ZNF638: variants seen among roughly 807,000 people sequenced by gnomAD.
ZNF638 encodes CTCL tumor antigen se33-1.
In ZNF638, 46 loss-of-function variants were observed where a neutral mutation model predicts 195.6. That is an observed-to-expected ratio of 0.24 (90% CI 0.19 to 0.30). The LOEUF is 0.30. Ranked by LOEUF, ZNF638 falls within the 10% of genes least tolerant of loss-of-function variation. The pLI, the probability that ZNF638 is intolerant of heterozygous loss-of-function variation, is 1.00. For synonymous variants in ZNF638, 845 were observed against 772.0 expected (o/e 1.09, Z -1.57); for missense variants, 2,440 against 2,325.3 (o/e 1.05, Z -1.01).
intron 20 of ZNF638, chr2:71,408,490 C>A: frequency 2.4e-6 from 1 of 412,756 alleles, no homozygotes; most frequent in South Asian, 3.1e-5. Flanking sequence ...ATGTAGGTAT[C>A]TACATTTTTG....
intron 23 of ZNF638, 70 bp from the exon 24 acceptor site, chr2:71,426,390 T>C: frequency 8.9e-7 from 1 of 1,119,190 alleles, no homozygotes; most frequent in Non-Finnish European, 1.3e-6. Flanking sequence ...GCACATTTAT[T>C]GTGACTATTT....
intron 10 of ZNF638, 129 bp from the exon 11 acceptor site, chr2:71,396,012 A>G: frequency 6.6e-6 from 5 of 755,350 alleles, no homozygotes; most frequent in Non-Finnish European, 1.1e-5. Context: ...AATTCCATGG[A>G]CATACAAAGA....
intron 6 of ZNF638, among the ~76,000 whole-genome samples, chr2:71,366,152 C>T (rs761308302): frequency 5.1e-4 from 77 of 152,136 alleles, no homozygotes; most frequent in Non-Finnish European, 7.3e-4. Context: ...GAATTTGAGG[C>T]CAGCCAGAGC....
intron 4 of ZNF638, among the ~76,000 whole-genome samples, chr2:71,363,423 A>G (rs2079141729): frequency 7.5e-6 from 1 of 134,030 alleles, no homozygotes; most frequent in African/African-American, 2.5e-5. Context: ...TTATTATTTT[A>G]TGTTTATGAC....
chr2:71,356,055 T>A (rs1558838233), intron 3 of ZNF638, among the ~76,000 whole-genome samples: 2 of 152,236 alleles, frequency 1.3e-5, no homozygotes, highest in Admixed American at 6.5e-5. Flanking sequence ...TTCCCCAGGA[T>A]CTTTTATCTA....
chr2:71,398,682 T>G lies in ZNF638; in HGVS notation c.2429-19T>G. On this transcript the variant is annotated intron_variant, in intron 11 of 27. Transcript: ENST00000264447. ...ACTAGTTAAGTAAACCAGTTTTGACTGCATCTTTTGTGATTTAGGGAAATC... is the reference window on the plus strand; with the variant it reads ...ACTAGTTAAGTAAACCAGTTTTGACGGCATCTTTTGTGATTTAGGGAAATC... 6.2e-7 allele frequency: 1 copy of G among 1,610,260 alleles called. No homozygotes were observed. Among genetic ancestry groups the G allele is most frequent in the Non-Finnish European group, 8.5e-7 (1 of 1,176,918 alleles).
rs1337794988 is a variant in ZNF638, at chr2:71,421,409, G to C, written c.3300-1405G>C. 2.6e-5 allele frequency among the ~76,000 whole-genome samples: 4 copies of C among 152,072 alleles called. No individual in the cohort carries two copies. The East Asian group carries it at 7.7e-4, about 29-fold the overall frequency. ...CATGCAAAGAATAACTTGCACAATG[G>C]ATAGAATATATATTGATTAAGGTTT... On this transcript the variant is annotated intron_variant, in intron 21 of 27. Coordinates refer to ENST00000264447, the MANE Select transcript of ZNF638 (RefSeq NM_014497.5).
intron 17 of ZNF638, among the ~76,000 whole-genome samples, chr2:71,405,130 C>T (rs2152577936): frequency 1.3e-5 from 2 of 152,306 alleles, no homozygotes; most frequent in Admixed American, 1.3e-4. Flanking sequence ...CATTAGTTGT[C>T]CTCTGCCTGC....
chr2:71,339,820 C>T (rs539573055), intron 1 of ZNF638, among the ~76,000 whole-genome samples: 1 of 152,266 alleles, frequency 6.6e-6, no homozygotes, highest in East Asian at 1.9e-4. Context: ...TAAGGTGTTT[C>T]CTCTTGGGCT....
Position 71,427,437 on chromosome 2 carries a change from C to A in ZNF638, c.5545+23C>A, listed in dbSNP as rs372475622. 83 of 1,490,672 alleles carry A rather than the reference C, an allele frequency of 5.6e-5. No individual in the cohort carries two copies. The Middle Eastern group carries it at 2.2e-3, about 39-fold the overall frequency. 92.3% of individuals were successfully genotyped at this position (1,490,672 alleles called of 1,614,324 possible). On this transcript the variant is annotated intron_variant, in intron 24 of 27. Transcript: ENST00000264447. ...CAGGTAGATACTTGGAAGGGGTAGT[C>A]TTTCTGTTTTATGAGGGGATTACAT... is the stretch of plus-strand genomic sequence containing the variant.
chr2:71,419,496 A>G (rs1199902829), intron 21 of ZNF638, among the ~76,000 whole-genome samples: 3 of 152,182 alleles, frequency 2.0e-5, no homozygotes, highest in Non-Finnish European at 4.4e-5. Flanking sequence ...CTTCTCAGTA[A>G]TTTTTATAAA....
At position 71,348,915 on chromosome 2, in the gene ZNF638, A is replaced by T. The variant is rs2078897714; in HGVS notation, c.-40A>T. ...CCGTTGCCTCACATGGTTCAACACCACCTTATACTTTATTAAATCAGGCTT... is the reference window on the plus strand; with the variant it reads ...CCGTTGCCTCACATGGTTCAACACCTCCTTATACTTTATTAAATCAGGCTT... On this transcript the variant is annotated 5_prime_UTR_variant, in exon 2 of 28. Coordinates refer to ENST00000264447, the MANE Select transcript of ZNF638 (RefSeq NM_014497.5). 1 of 1,613,986 alleles carries T rather than the reference A, an allele frequency of 6.2e-7. No homozygotes were observed. The highest frequency in any genetic ancestry group is 1.3e-5 in the African/African-American group (1 of 74,898).
At chr2:71,400,572 G>T (rs1459986793) in intron 15 of ZNF638, 54 bp downstream of exon 15, 21 of 1,469,462 alleles carry the variant, frequency 1.4e-5, no homozygotes, top group Admixed American at 2.3e-5. Flanking sequence ...TTTAACAAAA[G>T]ATATTTTTCT....
chr2:71,403,757 C>CTAAGT, intron 16 of ZNF638, 113 bp from the exon 17 acceptor site: 2 of 668,766 alleles, frequency 3.0e-6, no homozygotes, highest in African/African-American at 1.9e-5. Flanking sequence ...AAAATATTTA[C>CTAAGT]TAAGTTGTTC....
chr2:71,385,054 T>TG, intron 10 of ZNF638, among the ~76,000 whole-genome samples: 1 of 152,022 alleles, frequency 6.6e-6, no homozygotes, highest in African/African-American at 2.4e-5. Context: ...TGAGAAAAGG[T>TG]GGGGGAACAG....
chr2:71,392,828 C>T (rs1332784181), intron 10 of ZNF638, among the ~76,000 whole-genome samples: 2 of 152,146 alleles, frequency 1.3e-5, no homozygotes, highest in East Asian at 1.9e-4. Context: ...AGGACTAGAA[C>T]CTTATCCATT....
At chr2:71,371,194 A>G (rs1232142195) in intron 8 of ZNF638, among the ~76,000 whole-genome samples, 1 of 152,182 alleles carries the variant, frequency 6.6e-6, no homozygotes, top group East Asian at 1.9e-4. Context: ...TTTATGGCTG[A>G]AGAGTACTCC....
chr2:71,342,112 G>T (rs993719382), intron 1 of ZNF638, among the ~76,000 whole-genome samples: 1 of 150,470 alleles, frequency 6.6e-6, no homozygotes, highest in Non-Finnish European at 1.5e-5. Context: ...TGGGAAGGAA[G>T]GTTGAGGCTG....
At chr2:71,424,740 A>T (rs1473842419) in intron 23 of ZNF638, 25 bp downstream of exon 23, 1 of 1,580,386 alleles carries the variant, frequency 6.3e-7, no homozygotes, top group Non-Finnish European at 8.7e-7. Flanking sequence ...ACAGACCCTA[A>T]CCCTTCTTTT....
Sources: allele counts gnomAD v4.1 joint callset (sites outside exome capture counted in the v4.1 genomes callset), GRCh38; gene constraint gnomAD v4.1.1; transcripts MANE v1.5; gene names NCBI Gene and HGNC (gene_info 2026-07-23, HGNC 2026-07-21).